The following SCARA3 variants were observed in gnomAD, a reference collection of about 807,000 sequenced individuals.
SCARA3 encodes cellular stress response gene protein.
Under a neutral mutation model 47.0 loss-of-function variants are expected in SCARA3, and 39 were observed. That is an observed-to-expected ratio of 0.83 (90% CI 0.64 to 1.08). The LOEUF (loss-of-function observed/expected upper bound fraction) is 1.08. Among genes scored for constraint, SCARA3 ranks in the 50% least tolerant of loss-of-function variants. SCARA3 has a pLI of 0.00. For missense variants in SCARA3, 724 were observed against 792.3 expected (o/e 0.91, Z 1.04); for synonymous variants, 356 against 334.1 (o/e 1.07, Z -0.71).
At chr8:27,697,799 C>T in the SCARA3 span, among the ~76,000 whole-genome samples, 2 of 152,184 alleles carry the variant, frequency 1.3e-5, no homozygotes, top group African/African-American at 4.8e-5. Flanking sequence ...TCTCTCTTTG[C>T]CTGCCATCAT....
chr8:27,724,389 C>T, the SCARA3 span, among the ~76,000 whole-genome samples: 1 of 152,102 alleles, frequency 6.6e-6, no homozygotes, highest in Non-Finnish European at 1.5e-5. Flanking sequence ...TGTGGCCGGG[C>T]ACAGTGGCTC....
At chr8:27,711,849 A>T in the SCARA3 span, among the ~76,000 whole-genome samples, 1 of 152,126 alleles carries the variant, frequency 6.6e-6, no homozygotes, top group African/African-American at 2.4e-5. Flanking sequence ...AGCTTCCCCT[A>T]TTATTAACCT....
the SCARA3 span, among the ~76,000 whole-genome samples, chr8:27,692,432 A>C: frequency 0.49 from 73,574 of 150,460 alleles, 18,339 homozygotes; most frequent in Middle Eastern, 0.61. Context: ...AAAAAAAAAA[A>C]AAAACAAAAC....
the SCARA3 span, among the ~76,000 whole-genome samples, chr8:27,698,657 A>C: frequency 6.6e-6 from 1 of 152,238 alleles, no homozygotes; most frequent in Non-Finnish European, 1.5e-5. Context: ...AAAGTGATTT[A>C]CCAATATCAT....
chr8:27,648,475 G>A (rs926374711), intron 1 of SCARA3, among the ~76,000 whole-genome samples: 2 of 152,076 alleles, frequency 1.3e-5, no homozygotes, highest in African/African-American at 4.8e-5. Context: ...GTGGTGGCGG[G>A]CACCTGTAGT....
the SCARA3 span, among the ~76,000 whole-genome samples, chr8:27,722,751 T>C: frequency 4.6e-5 from 7 of 152,294 alleles, no homozygotes; most frequent in African/African-American, 1.7e-4. Context: ...CACCATAACA[T>C]TGTATGGCCA....
At chr8:27,711,017 G>A in the SCARA3 span, among the ~76,000 whole-genome samples, 22,392 of 150,398 alleles carry the variant, frequency 0.15, 1,734 homozygotes, top group South Asian at 0.18. Flanking sequence ...CTGCCTCCCG[G>A]GTTCAAGCGA....
At chr8:27,701,827 A>G in the SCARA3 span, 7 of 154,132 alleles carry the variant, frequency 4.5e-5, no homozygotes, top group Non-Finnish European at 8.8e-5. Context: ...TAGGGTGACC[A>G]ACCAACCAAG....
At chr8:27,717,647 T>A in the SCARA3 span, among the ~76,000 whole-genome samples, 1 of 151,924 alleles carries the variant, frequency 6.6e-6, no homozygotes, top group Non-Finnish European at 1.5e-5. Flanking sequence ...TAGTCAGGTG[T>A]GGTGGCACGT....
intron 1 of SCARA3, among the ~76,000 whole-genome samples, chr8:27,646,970 C>A (rs1801510651): frequency 3.5e-5 from 1 of 28,810 alleles, no homozygotes; most frequent in Non-Finnish European, 1.0e-4. Flanking sequence ...CTGACCGCCC[C>A]CGCCCCCCCC....
intron 1 of SCARA3, among the ~76,000 whole-genome samples, chr8:27,648,096 T>C (rs971683708): frequency 2.6e-5 from 4 of 152,254 alleles, no homozygotes; most frequent in African/African-American, 9.6e-5. Context: ...TTGTGGAACC[T>C]TTGCTCATTA....
intron 5 of SCARA3, among the ~76,000 whole-genome samples, chr8:27,667,879 GA>G (rs987250195): frequency 3.3e-5 from 5 of 152,168 alleles, no homozygotes; most frequent in Admixed American, 6.5e-5. Flanking sequence ...ACAAGATGTA[GA>G]CAGGCCCCCG....
chr8:27,682,312 TAC>T, the SCARA3 span, among the ~76,000 whole-genome samples: 1 of 152,064 alleles, frequency 6.6e-6, no homozygotes, highest in East Asian at 1.9e-4. Context: ...AAGTAAAAAT[TAC>T]AGAGCCTCTA....
At chr8:27,659,937 G>A (rs1056568870) in intron 5 of SCARA3, among the ~76,000 whole-genome samples, 10 of 148,990 alleles carry the variant, frequency 6.7e-5, no homozygotes, top group East Asian at 2.0e-4. Context: ...TTTTGTAAAG[G>A]TATTATGGCT....
chr8:27,693,455 C>G, the SCARA3 span, among the ~76,000 whole-genome samples: 1 of 152,224 alleles, frequency 6.6e-6, no homozygotes, highest in Non-Finnish European at 1.5e-5. Flanking sequence ...CATTTCTTAA[C>G]TGACTCTTTC....
chr8:27,724,539 T>C, the SCARA3 span, among the ~76,000 whole-genome samples: 1 of 152,136 alleles, frequency 6.6e-6, no homozygotes, highest in Non-Finnish European at 1.5e-5. Flanking sequence ...GTGCCTGTAA[T>C]CCCAGCTACT....
In SCARA3 at chr8:27,659,285, A is replaced by G. The variant is rs1801837000; in HGVS notation, c.1115A>G (p.His372Arg). ...ATCAATGCCACCGACAACCACGTGCACAGCATGCTCAAGTACCTGGATGAC... is the reference window on the plus strand; with the variant it reads ...ATCAATGCCACCGACAACCACGTGCGCAGCATGCTCAAGTACCTGGATGAC... ...TNINATDNHV[H>R]SMLKYLDDVR... Residue 372 changes from histidine (H) to arginine (R), a missense_variant, in exon 5 of 6, where the codon CAC becomes CGC. By Grantham distance (29) the His-to-Arg change is conservative (BLOSUM62 0). Coordinates refer to ENST00000301904, the MANE Select transcript of SCARA3 (RefSeq NM_016240.3). The G allele has an allele frequency of 1.2e-6, 2 of 1,614,008 alleles. No homozygotes were observed. Among genetic ancestry groups the G allele is most frequent in the Non-Finnish European group, 1.7e-6 (2 of 1,180,042 alleles).
chr8:27,729,816 A>G, the SCARA3 span, among the ~76,000 whole-genome samples: 1 of 152,296 alleles, frequency 6.6e-6, no homozygotes, highest in South Asian at 2.1e-4. Flanking sequence ...AAAATTAAAA[A>G]TATAAACAAT....
intron 5 of SCARA3, among the ~76,000 whole-genome samples, chr8:27,664,603 TG>T (rs1801977453): frequency 6.6e-6 from 1 of 152,098 alleles, no homozygotes; most frequent in Non-Finnish European, 1.5e-5. Context: ...CTATAGGGTG[TG>T]GGGCAGGGAG....
Sources: allele counts gnomAD v4.1 joint callset (sites outside exome capture counted in the v4.1 genomes callset), GRCh38; gene constraint gnomAD v4.1.1; transcripts MANE v1.5; gene names NCBI Gene and HGNC (gene_info 2026-07-23, HGNC 2026-07-21).